MRAP2: variants seen among roughly 807,000 people sequenced by gnomAD.
MRAP2 encodes the protein melanocortin 2 receptor accessory protein 2.
Under a neutral mutation model 17.4 loss-of-function variants are expected in MRAP2, and 20 were observed. The ratio of observed to expected loss-of-function variants is 1.15; its 90% confidence interval spans 0.81 to 1.67. The LOEUF (loss-of-function observed/expected upper bound fraction) is 1.67, where lower values mean the gene tolerates loss of function less well. MRAP2 is among the 40% of genes most tolerant of loss of function. The pLI, the probability that MRAP2 is intolerant of heterozygous loss-of-function variation, is 0.00. For missense variants in MRAP2, 238 were observed against 240.0 expected (o/e 0.99, Z 0.05); for synonymous variants, 96 against 88.4 (o/e 1.09, Z -0.48).
chr6:84,117,534 A>T, the MRAP2 span, among the ~76,000 whole-genome samples: 1 of 151,504 alleles, frequency 6.6e-6, no homozygotes, highest in African/African-American at 2.4e-5. Flanking sequence ...TACTACCTCA[A>T]TTTCAAAATG....
At chr6:84,134,804 G>C in the MRAP2 span, among the ~76,000 whole-genome samples, 2 of 151,886 alleles carry the variant, frequency 1.3e-5, no homozygotes, top group African/African-American at 4.8e-5. Flanking sequence ...CATCTTGCCA[G>C]CCTCCCCCCC....
the MRAP2 span, among the ~76,000 whole-genome samples, chr6:84,132,737 C>T: frequency 6.6e-6 from 1 of 152,112 alleles, no homozygotes; most frequent in South Asian, 2.1e-4. Flanking sequence ...TTTAGCTAGC[C>T]ATTCGTCTAC....
At chr6:84,037,664 C>A (rs905525597) in intron 1 of MRAP2, among the ~76,000 whole-genome samples, 1 of 152,170 alleles carries the variant, frequency 6.6e-6, no homozygotes, top group Non-Finnish European at 1.5e-5. Context: ...AATTTGAGTG[C>A]GGCGCAGGCA....
chr6:84,130,189 G>C, the MRAP2 span, among the ~76,000 whole-genome samples: 1 of 152,160 alleles, frequency 6.6e-6, no homozygotes, highest in Non-Finnish European at 1.5e-5. Context: ...AACCAGACTT[G>C]CATCTCAGGG....
chr6:84,054,084 G>T (rs1468485694), intron 1 of MRAP2, among the ~76,000 whole-genome samples: 1 of 152,136 alleles, frequency 6.6e-6, no homozygotes, highest in Non-Finnish European at 1.5e-5. Flanking sequence ...AAGTGGGGCT[G>T]CTTCAAGAAT....
At chr6:84,044,241 C>T (rs189586031) in intron 1 of MRAP2, among the ~76,000 whole-genome samples, 2 of 152,190 alleles carry the variant, frequency 1.3e-5, no homozygotes, top group South Asian at 4.1e-4. Context: ...GGCTGGAGTG[C>T]AATGGCATGA....
At chr6:84,068,719 G>A (rs965791618) in intron 3 of MRAP2, among the ~76,000 whole-genome samples, 1 of 145,420 alleles carries the variant, frequency 6.9e-6, no homozygotes. Flanking sequence ...CTTGGTCGCT[G>A]TTGGTGTATA....
chr6:84,057,113 T>C (rs1260664216), intron 2 of MRAP2, among the ~76,000 whole-genome samples: 2 of 152,182 alleles, frequency 1.3e-5, no homozygotes, highest in African/African-American at 2.4e-5. Context: ...CCTGAAAATA[T>C]ATGCGACACA....
chr6:84,121,045 G>A, the MRAP2 span, among the ~76,000 whole-genome samples: 2 of 150,226 alleles, frequency 1.3e-5, no homozygotes, highest in Non-Finnish European at 3.0e-5. Context: ...ATATAAATTC[G>A]TTTCACTTGC....
At chr6:84,045,791 C>A (rs2099488872) in intron 1 of MRAP2, among the ~76,000 whole-genome samples, 1 of 152,080 alleles carries the variant, frequency 6.6e-6, no homozygotes, top group Non-Finnish European at 1.5e-5. Flanking sequence ...GACACACACA[C>A]ACAATGTGTA....
At chr6:84,097,522 C>T in the MRAP2 span, among the ~76,000 whole-genome samples, 1 of 152,078 alleles carries the variant, frequency 6.6e-6, no homozygotes, top group African/African-American at 2.4e-5. Context: ...GTTATTTATT[C>T]AGTATTAGAA....
rs1223489115 is a variant in MRAP2 at position 84,089,327 on chromosome 6, A to G, written c.464A>G (p.Glu155Gly). The G allele has an allele frequency of 6.2e-7, 1 of 1,614,216 alleles. No homozygotes were observed. Among genetic ancestry groups the G allele is most frequent in the Non-Finnish European group, 8.5e-7 (1 of 1,180,026 alleles). ...QEAIRSSGQP[E>G]EELNRLMKFD... ...GCCATCAGAAGCAGTGGGCAGCCAG[A>G]GGAGGAGCTGAACAGGCTCATGAAG... Residue 155 changes from glutamate to glycine, a missense_variant, in exon 4 of 4, where the codon GAG (glutamate) becomes GGG (glycine). Coordinates refer to ENST00000257776, the MANE Select transcript of MRAP2 (RefSeq NM_138409.4).
intron 3 of MRAP2, among the ~76,000 whole-genome samples, chr6:84,087,377 G>T (rs1344768901): frequency 1.3e-5 from 2 of 152,208 alleles, no homozygotes; most frequent in Non-Finnish European, 2.9e-5. Flanking sequence ...AGTGAGCAGA[G>T]GGGTGACTTT....
intron 3 of MRAP2, among the ~76,000 whole-genome samples, chr6:84,081,417 T>C (rs79595496): frequency 3.3e-5 from 5 of 152,200 alleles, no homozygotes; most frequent in African/African-American, 1.2e-4. Flanking sequence ...CCATGTGTCA[T>C]TGTCATGGGA....
At chr6:84,108,484 A>C in the MRAP2 span, among the ~76,000 whole-genome samples, 1 of 151,764 alleles carries the variant, frequency 6.6e-6, no homozygotes, top group African/African-American at 2.4e-5. Flanking sequence ...GTCTTCTTTC[A>C]AGAAGTGTCT....
At chr6:84,072,908 G>A (rs555966387) in intron 3 of MRAP2, among the ~76,000 whole-genome samples, 35 of 152,060 alleles carry the variant, frequency 2.3e-4, no homozygotes, top group Non-Finnish European at 2.6e-4. Context: ...TCGAAGGGCC[G>A]GTCTCATTCC....
chr6:84,054,030 C>T (rs2099491092), intron 1 of MRAP2, among the ~76,000 whole-genome samples: 1 of 151,962 alleles, frequency 6.6e-6, no homozygotes, highest in Non-Finnish European at 1.5e-5. Flanking sequence ...GCCCTGGAGG[C>T]AGTGGGGACG....
the MRAP2 span, among the ~76,000 whole-genome samples, chr6:84,145,573 CTCTGGGGTTTTGTTATTTACATGTAA>C: frequency 2.0e-5 from 3 of 151,898 alleles, 1 homozygote; most frequent in African/African-American, 7.3e-5. Flanking sequence ...GTTTTTTTAT[CTCTGGGGTTTTGTTATTTACATGTAA>C]TCTGGTCTAG....
intron 3 of MRAP2, among the ~76,000 whole-genome samples, chr6:84,076,439 G>T (rs1273521829): frequency 2.6e-5 from 4 of 152,052 alleles, no homozygotes; most frequent in Non-Finnish European, 4.4e-5. Flanking sequence ...GGCCAAGCTG[G>T]TCTGGAACTC....
Sources: allele counts gnomAD v4.1 joint callset (sites outside exome capture counted in the v4.1 genomes callset), GRCh38; gene constraint gnomAD v4.1.1; transcripts MANE v1.5; gene names NCBI Gene and HGNC (gene_info 2026-07-23, HGNC 2026-07-21).